XPC: variants seen among roughly 807,000 people sequenced by gnomAD.
The protein encoded by XPC is XPC complex subunit, DNA damage recognition and repair factor.
Under a neutral mutation model 95.8 loss-of-function variants are expected in XPC, and 76 were observed. The observed-to-expected ratio is 0.79, with a 90% CI of 0.66 to 0.96. The LOEUF (loss-of-function observed/expected upper bound fraction) is 0.96. XPC is among the 40% of genes least tolerant of loss of function. XPC has a pLI of 0.00. For missense variants in XPC, 1,146 were observed against 1,179.8 expected (o/e 0.97, Z 0.42); for synonymous variants, 442 against 442.1 (o/e 1.00, Z 0.00).
chr3:14,168,027 C>G (rs1574972457), intron 4 of XPC, among the ~76,000 whole-genome samples: 1 of 152,324 alleles, frequency 6.6e-6, no homozygotes, highest in African/African-American at 2.4e-5. Context: ...GGATGACCTG[C>G]TCAATCCTTG....
intron 7 of XPC, among the ~76,000 whole-genome samples, chr3:14,161,761 G>C (rs1279132281): frequency 1.3e-5 from 2 of 151,180 alleles, no homozygotes; most frequent in East Asian, 3.9e-4. Flanking sequence ...AACAAAACAA[G>C]GATGCCTGCT....
chr3:14,170,463 A>G lies in XPC; in HGVS notation c.387T>C (p.Ser129=), dbSNP rs2125043099. Reference sequence around the variant, plus strand: ...CTTCAACCTCTTCCCAATCATTTTCACTTTCTTCCTCTTCTTCATTGCTGT... The same window carrying G: ...CTTCAACCTCTTCCCAATCATTTTCGCTTTCTTCCTCTTCTTCATTGCTGT... The part of the protein sequence containing the change: ...NEDSNEEEEE[S]ENDWEEVEEL... The change falls in exon 3 of 16, where the codon AGT becomes AGC. Residue 129 remains serine, a synonymous_variant. Coordinates refer to ENST00000285021, the MANE Select transcript of XPC (RefSeq NM_004628.5). 2 of 1,613,816 alleles carry G rather than the reference A, an allele frequency of 1.2e-6. No homozygotes were observed. The highest frequency in any genetic ancestry group is 1.7e-6 in the Non-Finnish European group (2 of 1,179,748).
At chr3:14,154,964 C>T (rs1158472140) in intron 10 of XPC, among the ~76,000 whole-genome samples, 2 of 152,264 alleles carry the variant, frequency 1.3e-5, no homozygotes, top group Admixed American at 6.5e-5. Flanking sequence ...CTCTGGACGA[C>T]GCCTGCATTC....
intron 15 of XPC, among the ~76,000 whole-genome samples, chr3:14,146,925 A>C (rs935141753): frequency 2.6e-5 from 4 of 152,238 alleles, no homozygotes; most frequent in African/African-American, 9.6e-5. Flanking sequence ...GGGCCACTGC[A>C]GGCCTGCAGC....
At chr3:14,164,676 C>T in intron 7 of XPC, 137 bp downstream of exon 7, 1 of 852,450 alleles carries the variant, frequency 1.2e-6, no homozygotes. Flanking sequence ...TTCTGGGCTT[C>T]AGCAGCTATC....
chr3:14,175,235 G>A (rs1696766055), intron 1 of XPC, among the ~76,000 whole-genome samples: 1 of 151,980 alleles, frequency 6.6e-6, no homozygotes, highest in Non-Finnish European at 1.5e-5. Context: ...CCTATGAATG[G>A]CTCAAAATTA....
Position 14,158,333 on chromosome 3 carries a change from C to A in XPC, c.1550G>T (p.Gly517Val). Residue 517 changes from glycine (G) to valine (V), a missense_variant, in exon 9 of 16, where the codon GGT (glycine) becomes GTT (valine). Gly to Val is a moderately radical substitution (Grantham distance 109). Coordinates refer to ENST00000285021, the MANE Select transcript of XPC (RefSeq NM_004628.5). The surrounding 1 kb of genome is among the most constrained non-coding windows in gnomAD (Gnocchi z 5.2). ...TATGCTTCTTTTTTCTGCCTTCTCA[C>A]CATCGCTGCACATTTTCTTGCCTCT... Reference protein sequence around the residue: ...SKRGKKMCSDGEKAEKRSIAG... With the variant: ...SKRGKKMCSDVEKAEKRSIAG... 4 of 1,614,024 alleles carry A rather than the reference C, an allele frequency of 2.5e-6. No individual in the cohort carries two copies. The highest frequency in any genetic ancestry group is 2.5e-6 in the Non-Finnish European group (3 of 1,179,904).
At chr3:14,165,921 G>A (rs1411991650) in intron 5 of XPC, 2 of 274,198 alleles carry the variant, frequency 7.3e-6, no homozygotes, top group Admixed American at 9.1e-5. Flanking sequence ...CCATGTCTGG[G>A]GTTTGCTCCA....
At chr3:14,176,982 A>T (rs1368700206) in intron 1 of XPC, among the ~76,000 whole-genome samples, 1 of 152,136 alleles carries the variant, frequency 6.6e-6, no homozygotes. Flanking sequence ...CACCTGTAAC[A>T]CCAGCTACTC....
intron 10 of XPC, among the ~76,000 whole-genome samples, chr3:14,154,935 T>G (rs1429286463): frequency 2.0e-5 from 3 of 152,168 alleles, no homozygotes; most frequent in Non-Finnish European, 4.4e-5. Context: ...AATGCTTCCT[T>G]CTGTCACTGA....
chr3:14,170,445 C>G lies in XPC; in HGVS notation c.405G>C (p.Glu135Asp). 1 of 1,613,418 alleles carries G rather than the reference C, an allele frequency of 6.2e-7. No homozygotes were observed. The highest frequency in any genetic ancestry group is 8.5e-7 in the Non-Finnish European group (1 of 1,179,386). The change falls in exon 3 of 16, where the codon GAG (glutamate) becomes GAC (aspartate). Residue 135 changes from glutamate to aspartate, a missense_variant. Glu to Asp is a conservative substitution (Grantham distance 45). Coordinates refer to ENST00000285021, the MANE Select transcript of XPC (RefSeq NM_004628.5). ...EEEESENDWE[E>D]VEELSEPVLG... is the part of the protein sequence containing the mutation. The stretch of plus-strand genomic sequence containing the variant: ...CAAAGAAAGATGTTTCACCTTCAAC[C>G]TCTTCCCAATCATTTTCACTTTCTT...
chr3:14,163,684 C>A (rs1390057776), intron 7 of XPC, among the ~76,000 whole-genome samples: 1 of 152,192 alleles, frequency 6.6e-6, no homozygotes, highest in Non-Finnish European at 1.5e-5. Context: ...GTGGTAGTTG[C>A]ACAACATTGT....
At chr3:14,152,147 TTATTAA>T (rs1317253684) in intron 11 of XPC, 182 bp downstream of exon 11, 1 of 548,006 alleles carries the variant, frequency 1.8e-6, no homozygotes, top group Non-Finnish European at 3.2e-6. Context: ...TACAAATGTC[TTATTAA>T]TAAGACAATT....
At position 14,145,837 on chromosome 3, in the gene XPC, G is replaced by A. The variant is rs1251378159; in HGVS notation, c.*104C>T. On this transcript the variant is annotated 3_prime_UTR_variant, in exon 16 of 16. Coordinates refer to ENST00000285021, the MANE Select transcript of XPC (RefSeq NM_004628.5). ...CATGCTGCCTCAGTTTGCCTTCTCA[G>A]CAGAGAAGCCCCCACCACCAGGGGC... 1.4e-5 allele frequency: 20 copies of A among 1,425,928 alleles called. No individual in the cohort carries two copies. Among genetic ancestry groups the A allele is most frequent in the Non-Finnish European group, 1.9e-5 (20 of 1,033,518 alleles). 88.3% of individuals were successfully genotyped at this position (1,425,928 alleles called of 1,614,324 possible).
intron 9 of XPC, among the ~76,000 whole-genome samples, 163 bp from the exon 10 acceptor site, chr3:14,156,658 A>C (rs985497717): frequency 1.3e-5 from 2 of 152,218 alleles, no homozygotes; most frequent in African/African-American, 4.8e-5. Flanking sequence ...TCCGGCCAGT[A>C]AGTCAGTTAC....
At position 14,148,868 on chromosome 3, in the gene XPC, C is replaced by T; in HGVS notation, c.2196G>A (p.Leu732=). The change falls in exon 12 of 16, where the codon CTG becomes CTA. Residue 732 remains leucine, a synonymous_variant. Coordinates refer to ENST00000285021, the MANE Select transcript of XPC (RefSeq NM_004628.5). ...ACTCCTCTGTCTGCCAGTAGCCAAA[C>T]AGGCCCAGGTCATTTTCTTCCCGCA... is the stretch of plus-strand genomic sequence containing the variant. The part of the protein sequence containing the change: ...PQLREENDLG[L]FGYWQTEEYQ... 3 of 1,614,032 alleles carry T rather than the reference C, an allele frequency of 1.9e-6. No individual in the cohort carries two copies. The highest frequency in any genetic ancestry group is 4.5e-5 in the East Asian group (2 of 44,882).
chr3:14,158,420 C>T lies in XPC; in HGVS notation c.1463G>A (p.Arg488His), dbSNP rs755724977. ...GCTTGGGTCCTTACGATGGCTCCCA[C>T]GATGGGTCCTGGAGGCACTCTTGGA... Reference protein sequence around the residue: ...AGSKSASRTHRGSHRKDPSLP... With the variant: ...AGSKSASRTHHGSHRKDPSLP... The change falls in exon 9 of 16, where the codon CGT becomes CAT. Residue 488 changes from arginine (R) to histidine (H), a missense_variant. By Grantham distance (29) the Arg-to-His change is conservative. Coordinates refer to ENST00000285021, the MANE Select transcript of XPC (RefSeq NM_004628.5). The surrounding 1 kb of genome is among the most constrained non-coding windows in gnomAD (Gnocchi z 5.2). 33 of 1,613,810 alleles carry T rather than the reference C, an allele frequency of 2.0e-5. No homozygotes were observed. In the Admixed American group the frequency reaches 3.3e-4, roughly 16 times the overall value.
chr3:14,148,478 C>T, intron 13 of XPC, 84 bp downstream of exon 13: 6 of 1,550,322 alleles, frequency 3.9e-6, no homozygotes, highest in Non-Finnish European at 5.2e-6. Context: ...CTCCCAGCAG[C>T]CCCATGCCAG....
rs538155801 is a variant in XPC, at chr3:14,145,433, T to C, written c.*508A>G. On this transcript the variant is annotated 3_prime_UTR_variant, in exon 16 of 16. Transcript: ENST00000285021. ...CTGCAAAGAGGCAGTGAGGGCAGCA[T>C]TAGTAAGCCTGACTCAGGGGAAGGT... 3 of 695,892 alleles carry C rather than the reference T, an allele frequency of 4.3e-6. No individual in the cohort carries two copies. The South Asian group carries it at 4.5e-5, about 10-fold the overall frequency. The allele number at this position is 695,892 out of a possible 1,614,324, so 43.1% of individuals were successfully genotyped here. A position where few individuals can be genotyped will look rare whatever the true frequency, so the allele number is the denominator to read the frequency against.
Sources: gnomAD v4.1 joint callset for allele counts (sites outside exome capture counted in the v4.1 genomes callset) on GRCh38, gnomAD v4.1.1 for gene constraint, Gnocchi (gnomAD v3.1) non-coding constraint, MANE v1.5 for transcripts, NCBI Gene and HGNC (gene_info 2026-07-23, HGNC 2026-07-21) for gene names.